Variants in KIT observed in about 807,000 individuals in gnomAD.
KIT encodes the protein KIT proto-oncogene, receptor tyrosine kinase.
In KIT, 16 loss-of-function variants were observed where a neutral mutation model predicts 105.7. The ratio of observed to expected loss-of-function variants is 0.15; its 90% CI spans 0.10 to 0.23. The LOEUF (loss-of-function observed/expected upper bound fraction) is 0.23. Among genes scored for constraint, KIT ranks in the 10% least tolerant of loss-of-function variants. The pLI, the probability that KIT is intolerant of heterozygous loss-of-function variation, is 1.00. For synonymous variants in KIT, 438 were observed against 441.1 expected (o/e 0.99, Z 0.09); for missense variants, 858 against 1,213.8 (o/e 0.71, Z 4.36).
Position 54,695,572 on chromosome 4 carries a change from A to T in KIT, c.128A>T (p.Lys43Ile). The T allele has an allele frequency of 6.2e-7, 1 of 1,614,244 alleles. No homozygotes were observed. Among genetic ancestry groups the T allele is most frequent in the Non-Finnish European group, 8.5e-7 (1 of 1,180,046 alleles). Residue 43 changes from lysine (K) to isoleucine (I), a missense_variant, in exon 2 of 21, where the codon AAA (lysine) becomes ATA (isoleucine). Lys to Ile is a moderately radical substitution (Grantham distance 102, BLOSUM62 -3). This residue lies in a region of KIT where 401 missense variants were observed against 601.0 expected (regional missense o/e 0.67). Transcript: ENST00000288135. ...TCTCCACCATCCATCCATCCAGGAA[A>T]ATCAGACTTAATAGTCCGCGTGGGC... Reference protein sequence around the residue: ...EPSPPSIHPGKSDLIVRVGDE... With the variant: ...EPSPPSIHPGISDLIVRVGDE...
In KIT at chr4:54,678,836, A is replaced by G. The variant is rs1577929278; in HGVS notation, c.68-16676A>G. Among the ~76,000 whole-genome samples the G allele has an allele frequency of 2.0e-5, 3 of 152,354 alleles. No homozygotes were observed. The East Asian group carries it at 5.8e-4, about 29-fold the overall frequency. Reference sequence around the variant, plus strand: ...TAAAGGAAAATTGCAAGATTAGTACAGAGAACTCCAGTACACCAGTTGTTA... The same window carrying G: ...TAAAGGAAAATTGCAAGATTAGTACGGAGAACTCCAGTACACCAGTTGTTA... On this transcript the variant is annotated intron_variant, in intron 1 of 20. Transcript: ENST00000288135.
chr4:54,695,418 G>C (rs1288791509), intron 1 of KIT, 94 bp from the exon 2 acceptor site: 1 of 1,288,448 alleles, frequency 7.8e-7, no homozygotes, highest in Non-Finnish European at 1.1e-6. Flanking sequence ...TTTTATTGTA[G>C]AGTACACAGA....
chr4:54,658,066 C>T lies in KIT; in HGVS notation c.52C>T (p.Leu18Phe), dbSNP rs370787811. The change falls in exon 1 of 21, where the codon CTT becomes TTT. Residue 18 changes from leucine (L) to phenylalanine (F), a missense_variant. Around this residue, in one of 7 missense-constraint regions of KIT, gnomAD observed 46 missense variants for 38.8 expected, o/e 1.19. Coordinates refer to ENST00000288135, the MANE Select transcript of KIT (RefSeq NM_000222.3). ...WDFLCVLLLL[L>F]RVQTGSSQPS... ...TTTTCTCTGCGTTCTGCTCCTACTG[C>T]TTCGCGTCCAGACAGGTGGGACACC... 92 of 1,613,814 alleles carry T rather than the reference C, an allele frequency of 5.7e-5. No individual in the cohort carries two copies. The highest frequency in any genetic ancestry group is 7.4e-5 in the Non-Finnish European group (87 of 1,179,906).
At chr4:54,663,004 AACT>A (rs1407145633) in intron 1 of KIT, among the ~76,000 whole-genome samples, 10 of 149,772 alleles carry the variant, frequency 6.7e-5, no homozygotes, top group African/African-American at 2.0e-4. Context: ...GAAAAAAAAA[AACT>A]ACACATCTTG....
Position 54,731,350 on chromosome 4 carries a change from A to G in KIT, c.2164A>G (p.Met722Val), listed in dbSNP as rs1255211227. The change falls in exon 15 of 21, where the codon ATG becomes GTG. Residue 722 changes from methionine (M) to valine (V), a missense_variant. By Grantham distance (21) the Met-to-Val change is conservative. Transcript: ENST00000288135. The part of the protein sequence containing the change: ...SSCSDSTNEY[M>V]DMKPGVSYVV... ...CAGCAGCGATAGTACTAATGAGTACATGGACATGAAACCTGGAGTTTCTTA... is the reference window on the plus strand; with the variant it reads ...CAGCAGCGATAGTACTAATGAGTACGTGGACATGAAACCTGGAGTTTCTTA... The G allele has an allele frequency of 1.2e-6, 2 of 1,613,360 alleles. No homozygotes were observed. The highest frequency in any genetic ancestry group is 2.2e-5 in the East Asian group (1 of 44,872).
At chr4:54,679,887 A>G (rs973801172) in intron 1 of KIT, among the ~76,000 whole-genome samples, 7 of 152,238 alleles carry the variant, frequency 4.6e-5, no homozygotes, top group African/African-American at 1.4e-4. Flanking sequence ...TGCAGACCTT[A>G]TATTGAGTTA....
intron 13 of KIT, 80 bp from the exon 14 acceptor site, chr4:54,729,255 C>T (rs562276524): frequency 6.7e-7 from 1 of 1,482,864 alleles, no homozygotes; most frequent in African/African-American, 1.4e-5. Flanking sequence ...TGGCCATGAC[C>T]ACCCTTGGGT....
At position 54,727,899 on chromosome 4, in the gene KIT, C is replaced by T. The variant is rs2109780045; in HGVS notation, c.1851C>T (p.Ala617=). ...ATGGCTTAATTAAGTCAGATGCGGC[C>T]ATGACTGTCGCTGTAAAGATGCTCA... The part of the protein sequence containing the change: ...TAYGLIKSDA[A]MTVAVKMLKP... Residue 617 remains alanine (A), a synonymous_variant, in exon 12 of 21, where the codon GCC becomes GCT. Transcript: ENST00000288135. 3.1e-6 allele frequency: 5 copies of T among 1,614,008 alleles called. No individual in the cohort carries two copies. The highest frequency in any genetic ancestry group is 4.2e-6 in the Non-Finnish European group (5 of 1,179,956).
chr4:54,704,171 G>C (rs1396404989), intron 5 of KIT, among the ~76,000 whole-genome samples: 1 of 152,186 alleles, frequency 6.6e-6, no homozygotes, highest in Admixed American at 6.5e-5. Context: ...AACATAAGTT[G>C]AGATTTTTCA....
chr4:54,726,084 T>C (rs1722201441), intron 9 of KIT, 34 bp downstream of exon 9: 10 of 1,540,280 alleles, frequency 6.5e-6, no homozygotes, highest in Non-Finnish European at 9.0e-6. Flanking sequence ...TAAGGGGATG[T>C]TTAGGCTCTG....
chr4:54,715,002 A>G (rs1265069741), intron 7 of KIT, among the ~76,000 whole-genome samples: 4 of 152,232 alleles, frequency 2.6e-5, no homozygotes, highest in Non-Finnish European at 4.4e-5. Flanking sequence ...ATGGAAGGGT[A>G]TTAACAGGGG....
chr4:54,669,207 G>A (rs1717922613), intron 1 of KIT, among the ~76,000 whole-genome samples: 3 of 119,310 alleles, frequency 2.5e-5, no homozygotes, highest in African/African-American at 9.3e-5. Flanking sequence ...TTTGATAAAA[G>A]AGGACCCCCC....
chr4:54,677,571 A>G (rs183756560), intron 1 of KIT, among the ~76,000 whole-genome samples: 2 of 152,314 alleles, frequency 1.3e-5, no homozygotes, highest in East Asian at 3.9e-4. Context: ...GGCTTCCAAG[A>G]AACACTGCCT....
rs115520641 is a variant in KIT at position 54,697,121 on chromosome 4, A to G, written c.338-1163A>G. Among the ~76,000 whole-genome samples the G allele has an allele frequency of 5.2e-3, 787 of 152,350 alleles. 5 individuals are homozygous for G. Among genetic ancestry groups the G allele is most frequent in the Non-Finnish European group, 7.9e-3 (536 of 68,032 alleles). ...CAGCAATGAAGGAAGGTGGGGCATC[A>G]TTGTAGGAGCTAGACTCAAGTGACC... On this transcript the variant is annotated intron_variant, in intron 2 of 20. Transcript: ENST00000288135.
At position 54,727,927 on chromosome 4, in the gene KIT, C is replaced by T. The variant is rs1032761406; in HGVS notation, c.1879C>T (p.Pro627Ser). The T allele has an allele frequency of 1.3e-5, 21 of 1,613,700 alleles. No individual in the cohort carries two copies. Among genetic ancestry groups the T allele is most frequent in the African/African-American group, 1.1e-4 (8 of 74,888 alleles). ...AMTVAVKMLK[P>S]SAHLTEREAL... ...GACTGTCGCTGTAAAGATGCTCAAGCGTAAGTTCCTGTATGGTACTGCATG... is the reference window on the plus strand; with the variant it reads ...GACTGTCGCTGTAAAGATGCTCAAGTGTAAGTTCCTGTATGGTACTGCATG... The change falls in exon 12 of 21, where the codon CCG becomes TCG. Residue 627 changes from proline (P) to serine (S), a missense_variant and splice_region_variant. This residue lies in a region of KIT where 158 missense variants were observed against 218.7 expected (regional missense o/e 0.72). Transcript: ENST00000288135.
Position 54,687,452 on chromosome 4 carries a change from TAAAA to T in KIT, c.68-8055_68-8052del, listed in dbSNP as rs939761477. Among the ~76,000 whole-genome samples the T allele has an allele frequency of 4.0e-5, 6 of 151,232 alleles. No homozygotes were observed. The East Asian group carries it at 9.7e-4, about 24-fold the overall frequency. On this transcript the variant is annotated intron_variant, in intron 1 of 20. Coordinates refer to ENST00000288135, the MANE Select transcript of KIT (RefSeq NM_000222.3). ...CAAGACCCCATCTCCAAAAAAAAAATAAAAAAAAGACTTACAATCAAACATCCTC... is the reference window on the plus strand; with the variant it reads ...CAAGACCCCATCTCCAAAAAAAAAATAAAAGACTTACAATCAAACATCCTC...
intron 7 of KIT, among the ~76,000 whole-genome samples, chr4:54,711,883 C>T: frequency 6.7e-6 from 1 of 149,422 alleles, no homozygotes; most frequent in Non-Finnish European, 1.5e-5. Flanking sequence ...GAGCTGAGAT[C>T]TCACTGTTGC....
intron 11 of KIT, 95 bp downstream of exon 11, chr4:54,727,637 C>T (rs996878343): frequency 4.6e-6 from 7 of 1,518,648 alleles, no homozygotes; most frequent in Non-Finnish European, 6.4e-6. Flanking sequence ...TTTGTTCCAC[C>T]TGAAACAATG....
intron 5 of KIT, among the ~76,000 whole-genome samples, chr4:54,704,533 T>G (rs1167454644): frequency 3.9e-5 from 6 of 152,152 alleles, no homozygotes; most frequent in Non-Finnish European, 8.8e-5. Flanking sequence ...TATGCACAAT[T>G]GGTTCAGCCT....
Sources: gnomAD v4.1 joint callset for allele counts (sites outside exome capture counted in the v4.1 genomes callset) on GRCh38, gnomAD v4.1.1 for gene constraint, gnomAD v4.1.1 regional missense constraint, MANE v1.5 for transcripts, NCBI Gene and HGNC (gene_info 2026-07-23, HGNC 2026-07-21) for gene names.